The following PTPRD variants were observed in gnomAD, a reference collection of about 807,000 sequenced individuals.
PTPRD encodes the protein receptor-type tyrosine-protein phosphatase delta.
A neutral mutation model predicts 214.5 loss-of-function variants in PTPRD; 34 were observed. The ratio of observed to expected loss-of-function variants is 0.16; its 90% confidence interval spans 0.12 to 0.21. The LOEUF is 0.21. Among genes scored for constraint, PTPRD ranks in the 10% least tolerant of loss-of-function variants. The pLI is 1.00. For missense variants in PTPRD, 2,545 were observed against 2,398.7 expected, an observed-to-expected ratio of 1.06 and a Z score of -1.27; for synonymous variants, 1,128 against 845.7, an observed-to-expected ratio of 1.33 and a Z score of -5.79.
chr9:9,935,907 C>T (rs934536143), intron 5 of PTPRD, among the ~76,000 whole-genome samples: 1 of 150,292 alleles, frequency 6.7e-6, no homozygotes, highest in Non-Finnish European at 1.5e-5. Context: ...AGAACAGAGC[C>T]CTCAGAAATA....
chr9:9,504,286 T>A (rs1011885592), intron 8 of PTPRD, among the ~76,000 whole-genome samples: 3 of 151,710 alleles, frequency 2.0e-5, no homozygotes, highest in African/African-American at 4.8e-5. Context: ...GTTTTATATG[T>A]CTTTACCCAA....
chr9:10,416,352 CCTT>C (rs141514302), intron 2 of PTPRD, among the ~76,000 whole-genome samples: 2,559 of 151,836 alleles, frequency 0.017, 67 homozygotes, highest in African/African-American at 0.058. Flanking sequence ...GAGTATGACT[CCTT>C]CTCAAAAAAG....
At chr9:10,171,871 T>G (rs532839242) in intron 3 of PTPRD, among the ~76,000 whole-genome samples, 3 of 152,168 alleles carry the variant, frequency 2.0e-5, no homozygotes, top group African/African-American at 7.2e-5. Flanking sequence ...ACCCCCATCA[T>G]GCTGTTTTTT....
intron 45 of PTPRD, among the ~76,000 whole-genome samples, chr9:8,319,546 C>T (rs930772126): frequency 5.9e-5 from 9 of 151,702 alleles, no homozygotes; most frequent in African/African-American, 9.7e-5. Flanking sequence ...ATGAATATAA[C>T]GAATTTTATG....
chr9:8,899,312 G>C (rs888067518), intron 11 of PTPRD, among the ~76,000 whole-genome samples: 1 of 152,146 alleles, frequency 6.6e-6, no homozygotes, highest in Non-Finnish European at 1.5e-5. Flanking sequence ...ACAAAAGTGA[G>C]TTGAACATAA....
chr9:9,789,631 A>G (rs564413465), intron 5 of PTPRD, among the ~76,000 whole-genome samples: 54 of 151,810 alleles, frequency 3.6e-4, no homozygotes, highest in African/African-American at 1.2e-3. Context: ...CCCCGTCCCT[A>G]CTAAAAATAC....
In PTPRD at chr9:8,547,919, ACT is replaced by A. The variant is rs1444176991; in HGVS notation, c.353-19142_353-19141del. ...CAAATATTTATTGAACACCTCTCAG[ACT>A]CTCTGTGTAAAACATTGCTCAGCAC... On this transcript the variant is annotated intron_variant, in intron 14 of 45. Coordinates refer to ENST00000381196, the MANE Select transcript of PTPRD (RefSeq NM_002839.4). Among the ~76,000 whole-genome samples the A allele has an allele frequency of 3.8e-4, 58 of 152,148 alleles. 1 individual carries two copies. Among genetic ancestry groups the A allele is most frequent in the Admixed American group, 1.3e-4 (2 of 15,270 alleles).
At chr9:8,962,214 T>C (rs2099162190) in intron 11 of PTPRD, 1 of 152,146 alleles carries the variant, frequency 6.6e-6, no homozygotes, top group South Asian at 2.1e-4. Context: ...AAAAAATAAT[T>C]ACTTGGTGAG....
intron 14 of PTPRD, among the ~76,000 whole-genome samples, chr9:8,540,682 C>G (rs886415914): frequency 6.6e-6 from 1 of 151,990 alleles, no homozygotes; most frequent in African/African-American, 2.4e-5. Context: ...GCCAAACTTT[C>G]AAAAATTTTA....
At chr9:10,307,273 C>T (rs2096110023) in intron 3 of PTPRD, among the ~76,000 whole-genome samples, 1 of 152,046 alleles carries the variant, frequency 6.6e-6, no homozygotes. Flanking sequence ...TATCATGCTA[C>T]CTCCATGAAA....
chr9:9,124,997 T>A (rs1382009451), intron 10 of PTPRD, among the ~76,000 whole-genome samples: 1 of 152,180 alleles, frequency 6.6e-6, no homozygotes, highest in Non-Finnish European at 1.5e-5. Flanking sequence ...ACCTTCCTTT[T>A]CTGTCTTCCT....
chr9:9,844,376 A>T (rs2059010006), intron 5 of PTPRD, among the ~76,000 whole-genome samples: 1 of 152,032 alleles, frequency 6.6e-6, no homozygotes, highest in African/African-American at 2.4e-5. Context: ...GATCTAATTT[A>T]TATAGGAAAC....
intron 7 of PTPRD, among the ~76,000 whole-genome samples, chr9:9,677,402 G>C (rs1315132082): frequency 6.6e-6 from 1 of 152,020 alleles, no homozygotes; most frequent in East Asian, 1.9e-4. Flanking sequence ...TGGGATGCAA[G>C]GCTGGTTCAA....
intron 2 of PTPRD, among the ~76,000 whole-genome samples, chr9:10,581,278 C>T (rs911002772): frequency 6.6e-6 from 1 of 152,118 alleles, no homozygotes; most frequent in African/African-American, 2.4e-5. Flanking sequence ...AACTGTCAAT[C>T]TTAAAAAGAA....
chr9:10,157,726 G>A (rs936165586), intron 3 of PTPRD, among the ~76,000 whole-genome samples: 1 of 152,130 alleles, frequency 6.6e-6, no homozygotes, highest in African/African-American at 2.4e-5. Flanking sequence ...CCGAAAATAT[G>A]TTTTCAAGTT....
At chr9:9,297,044 G>C (rs978831022) in intron 9 of PTPRD, among the ~76,000 whole-genome samples, 2 of 151,670 alleles carry the variant, frequency 1.3e-5, no homozygotes, top group East Asian at 1.9e-4. Flanking sequence ...TCCTGAAATA[G>C]GTCTACAAGA....
intron 2 of PTPRD, among the ~76,000 whole-genome samples, chr9:10,368,688 A>T (rs897379278): frequency 6.6e-6 from 1 of 152,100 alleles, no homozygotes; most frequent in Non-Finnish European, 1.5e-5. Context: ...AAGGAACTAA[A>T]AAGACTTATG....
intron 10 of PTPRD, among the ~76,000 whole-genome samples, chr9:9,067,101 C>A (rs1389214336): frequency 1.3e-5 from 2 of 152,060 alleles, no homozygotes; most frequent in Non-Finnish European, 2.9e-5. Flanking sequence ...AAATTTAGCC[C>A]TCGTGGTGGC....
intron 3 of PTPRD, among the ~76,000 whole-genome samples, chr9:10,175,288 A>C (rs2099240843): frequency 6.6e-6 from 1 of 152,038 alleles, no homozygotes; most frequent in Non-Finnish European, 1.5e-5. Flanking sequence ...TATTGTCAGA[A>C]AGAAAATATG....
Sources: allele counts gnomAD v4.1 joint callset (sites outside exome capture counted in the v4.1 genomes callset), GRCh38; gene constraint gnomAD v4.1.1; transcripts MANE v1.5; gene names NCBI Gene and HGNC (gene_info 2026-07-23, HGNC 2026-07-21).